The following MTA3 variants were observed in gnomAD, a reference collection of about 807,000 sequenced individuals.
The protein encoded by MTA3 is metastasis-associated protein MTA3.
Under a neutral mutation model 83.5 loss-of-function variants are expected in MTA3, and 34 were observed. That is an observed-to-expected ratio of 0.41 (90% CI 0.31 to 0.54). The LOEUF (loss-of-function observed/expected upper bound fraction) is 0.54. Among genes scored for constraint, MTA3 ranks in the 20% least tolerant of loss-of-function variants. MTA3 has a pLI of 0.33. For missense variants in MTA3, 761 were observed against 726.4 expected (o/e 1.05, Z -0.55); for synonymous variants, 303 against 252.7 (o/e 1.20, Z -1.89).
intron 7 of MTA3, among the ~76,000 whole-genome samples, chr2:42,658,458 A>G (rs1051237636): frequency 1.3e-5 from 2 of 152,222 alleles, no homozygotes; most frequent in African/African-American, 4.8e-5. Flanking sequence ...GACGTCGTAC[A>G]ACGGAATGTC....
intron 8 of MTA3, among the ~76,000 whole-genome samples, chr2:42,665,247 C>G (rs1690129554): frequency 6.6e-6 from 1 of 152,052 alleles, no homozygotes; most frequent in South Asian, 2.1e-4. Flanking sequence ...CAAAAGTTAG[C>G]TGGATGTGGT....
chr2:42,642,023 A>G (rs976828403), intron 5 of MTA3, among the ~76,000 whole-genome samples: 1 of 152,170 alleles, frequency 6.6e-6, no homozygotes. Flanking sequence ...CCCTAAATAT[A>G]TAAAAAATTT....
intron 4 of MTA3, among the ~76,000 whole-genome samples, chr2:42,618,815 T>C (rs934519637): frequency 6.6e-6 from 1 of 152,120 alleles, no homozygotes. Context: ...CTCATATTAT[T>C]GTCCAGGCTG....
chr2:42,574,128 G>T (rs923863684), intron 2 of MTA3, among the ~76,000 whole-genome samples: 1 of 147,258 alleles, frequency 6.8e-6, no homozygotes, highest in Non-Finnish European at 1.5e-5. Flanking sequence ...GAGCCACCGC[G>T]CCCGGCTTTT....
At position 42,545,478 on chromosome 2, in the gene MTA3, G is replaced by A. The variant is rs577339152; in HGVS notation, c.-140-24959G>A. 2.0e-5 allele frequency among the ~76,000 whole-genome samples: 3 copies of A among 152,282 alleles called. No homozygotes were observed. In the South Asian group the frequency reaches 6.2e-4, roughly 32 times the overall value. On this transcript the variant is annotated intron_variant, in intron 2 of 17. Transcript: ENST00000405592. ...TGCTCTAGGTAAGAACTAGGGCAAG[G>A]AAGGCTATGTTTGAGGGATGGAAGG...
chr2:42,638,856 A>C (rs1346775265), intron 4 of MTA3, among the ~76,000 whole-genome samples: 1 of 150,980 alleles, frequency 6.6e-6, no homozygotes, highest in African/African-American at 2.4e-5. Context: ...TCTAACCTAC[A>C]GTGATCACCA....
intron 3 of MTA3, among the ~76,000 whole-genome samples, chr2:42,580,509 T>C (rs1679502340): frequency 6.6e-6 from 1 of 151,914 alleles, no homozygotes; most frequent in Non-Finnish European, 1.5e-5. Context: ...GTAGCTGGGA[T>C]TACAGGTGGG....
chr2:42,719,794 A>G (rs1444226375), intron 15 of MTA3, among the ~76,000 whole-genome samples: 8 of 152,214 alleles, frequency 5.3e-5, no homozygotes, highest in Non-Finnish European at 8.8e-5. Flanking sequence ...CTCCATTTTT[A>G]TGTTGAAATA....
rs1430675726 is a variant in MTA3 at position 42,729,086 on chromosome 2, G to GTTTTTTGTTTTTTTTTTTT, written c.1759+6057_1759+6058insGTTTTTTTTTTTTTTTTTT. On this transcript the variant is annotated intron_variant, in intron 16 of 16. Coordinates refer to ENST00000405094, the MANE Select transcript of MTA3 (RefSeq NM_001330442.2). ...TTCTTTTATTAGTTTCACAGTTTGA[G>GTTTTTTGTTTTTTTTTTTT]TTTTTTTTTTTTTTTTTTTTTTTTT... Among the ~76,000 whole-genome samples the GTTTTTTGTTTTTTTTTTTT allele has an allele frequency of 4.8e-4, 29 of 60,130 alleles. 6 individuals are homozygous for GTTTTTTGTTTTTTTTTTTT. The highest frequency in any genetic ancestry group is 5.0e-4 in the African/African-American group (8 of 16,024). 39.4% of individuals were successfully genotyped at this position (60,130 alleles called of 152,430 possible). A position where few individuals can be genotyped will look rare whatever the true frequency, so the allele number is the denominator to read the frequency against.
intron 3 of MTA3, among the ~76,000 whole-genome samples, chr2:42,582,333 C>G (rs1005688638): frequency 1.3e-5 from 2 of 152,224 alleles, no homozygotes; most frequent in African/African-American, 2.4e-5. Context: ...GCTGGGATTA[C>G]AGGCGTGAGC....
Position 42,754,691 on chromosome 2 carries a change from G to A in MTA3, c.*1292G>A, listed in dbSNP as rs1305535502. ...AGTCTGATCTCCCAGCCATCTCTGG[G>A]GTTACTAGGAGGCAGCTGGATGGCA... On this transcript the variant is annotated 3_prime_UTR_variant, in exon 17 of 17. Transcript: ENST00000405094. 1.6e-5 allele frequency: 16 copies of A among 985,388 alleles called. No individual in the cohort carries two copies. Among genetic ancestry groups the A allele is most frequent in the Non-Finnish European group, 1.9e-5 (16 of 829,986 alleles). The allele number at this position is 985,388 out of a possible 1,614,324, so 61.0% of individuals were successfully genotyped here.
chr2:42,665,982 A>T (rs1174295213), intron 8 of MTA3, among the ~76,000 whole-genome samples: 2 of 152,186 alleles, frequency 1.3e-5, no homozygotes, highest in African/African-American at 4.8e-5. Flanking sequence ...TGATCTTTTA[A>T]AAGTGTAACT....
At chr2:42,598,033 T>C (rs547681411) in intron 3 of MTA3, among the ~76,000 whole-genome samples, 2 of 151,808 alleles carry the variant, frequency 1.3e-5, no homozygotes, top group East Asian at 3.9e-4. Flanking sequence ...GTACATTCAC[T>C]GAATTCCGGA....
At chr2:42,697,436 A>C (rs983004470) in intron 10 of MTA3, among the ~76,000 whole-genome samples, 1 of 152,238 alleles carries the variant, frequency 6.6e-6, no homozygotes, top group Non-Finnish European at 1.5e-5. Context: ...AGAGGCAAAT[A>C]AGTAATAAAG....
intron 13 of MTA3, among the ~76,000 whole-genome samples, chr2:42,708,258 GA>G (rs1191751997): frequency 1.3e-5 from 2 of 152,134 alleles, no homozygotes; most frequent in African/African-American, 4.8e-5. Context: ...AATGGTCTCA[GA>G]CAAAAAAACA....
intron 2 of MTA3, among the ~76,000 whole-genome samples, chr2:42,529,566 C>T (rs1675864366): frequency 6.6e-6 from 1 of 152,198 alleles, no homozygotes; most frequent in African/African-American, 2.4e-5. Context: ...GTGATTGGCA[C>T]CAAGCATAAC....
At chr2:42,570,383 C>G in intron 1 of MTA3, 54 bp from the exon 2 acceptor site, 1 of 1,172,240 alleles carries the variant, frequency 8.5e-7, no homozygotes, top group Non-Finnish European at 1.2e-6. Context: ...CTTGGATTGA[C>G]AAATCTGAAC....
chr2:42,611,671 C>T (rs1200664570), intron 4 of MTA3, among the ~76,000 whole-genome samples: 3 of 152,046 alleles, frequency 2.0e-5, no homozygotes, highest in Non-Finnish European at 4.4e-5. Flanking sequence ...TAAAAATTAG[C>T]TGAGCGTGGT....
At chr2:42,714,167 A>G (rs373863979) in intron 14 of MTA3, among the ~76,000 whole-genome samples, 32 of 152,288 alleles carry the variant, frequency 2.1e-4, no homozygotes, top group African/African-American at 7.0e-4. Context: ...ATCTTTGCCT[A>G]TATTTGAAAA....
Sources: allele counts gnomAD v4.1 joint callset (sites outside exome capture counted in the v4.1 genomes callset), GRCh38; gene constraint gnomAD v4.1.1; transcripts MANE v1.5; gene names NCBI Gene and HGNC (gene_info 2026-07-23, HGNC 2026-07-21).